LOXHD1: variants seen among roughly 807,000 people sequenced by gnomAD.
LOXHD1 encodes lipoxygenase homology PLAT domains 1.
LOXHD1 carries 205 observed loss-of-function variants against 248.2 expected under a neutral mutation model. The ratio of observed to expected loss-of-function variants is 0.83; its 90% CI spans 0.74 to 0.93. The LOEUF (loss-of-function observed/expected upper bound fraction) is 0.93, where lower values mean the gene tolerates loss of function less well. Ranked by LOEUF, LOXHD1 falls within the 40% of genes least tolerant of loss-of-function variation. The pLI is 0.00. For missense variants in LOXHD1, 2,930 were observed against 2,971.6 expected (o/e 0.99, Z 0.33); for synonymous variants, 1,113 against 1,162.8 (o/e 0.96, Z 0.87).
chr18:46,577,325 A>G (rs1487301755), intron 14 of LOXHD1, among the ~76,000 whole-genome samples: 1 of 152,224 alleles, frequency 6.6e-6, no homozygotes, highest in Non-Finnish European at 1.5e-5. Flanking sequence ...AGGTATGGTC[A>G]GAAAGTTATT....
intron 4 of LOXHD1, among the ~76,000 whole-genome samples, chr18:46,621,278 C>T (rs1042722178): frequency 6.6e-6 from 1 of 152,204 alleles, no homozygotes; most frequent in African/African-American, 2.4e-5. Context: ...AGATACACCT[C>T]ACGAAACCAT....
chr18:46,555,702 C>A (rs2037298766), intron 21 of LOXHD1, among the ~76,000 whole-genome samples: 1 of 152,158 alleles, frequency 6.6e-6, no homozygotes, highest in Non-Finnish European at 1.5e-5. Flanking sequence ...TACAAGGGGA[C>A]TTCTCTCCTT....
chr18:46,488,903 G>A, intron 38 of LOXHD1, 69 bp downstream of exon 38: 1 of 1,495,498 alleles, frequency 6.7e-7, no homozygotes, highest in Non-Finnish European at 9.0e-7. Flanking sequence ...CCCTCCAGCT[G>A]GAACGGTGTC....
Position 46,579,748 on chromosome 18 carries a change from A to G in LOXHD1, c.1691T>C (p.Leu564Pro). 1.9e-6 allele frequency: 3 copies of G among 1,551,834 alleles called. No homozygotes were observed. Among genetic ancestry groups the G allele is most frequent in the Non-Finnish European group, 2.6e-6 (3 of 1,147,002 alleles). Residue 564 changes from leucine to proline, a missense_variant, in exon 13 of 41, where the codon CTT becomes CCT. Coordinates refer to ENST00000642948, the MANE Select transcript of LOXHD1 (RefSeq NM_001384474.1). ...GTTGGCATCGGTCCCAGCACCTTCA[A>G]GTTCACCTGTGCACACAGTCACATG... Reference protein sequence around the residue: ...RYHVTVCTGELEGAGTDANVY... With the variant: ...RYHVTVCTGEPEGAGTDANVY...
chr18:46,477,916 C>T lies in LOXHD1; in HGVS notation c.6378G>A (p.Lys2126=), dbSNP rs876657498. Residue 2126 remains lysine, a synonymous_variant, in exon 41 of 41, where the codon AAG becomes AAA. Transcript: ENST00000642948. ...ATACCTTGAAGTACTTCCTCTTCCT[C>T]TTGAGGGGGATGAGGCAGTCACAGT... The part of the protein sequence containing the change: ...FFNCDCLIPL[K]RKRKYFKVFE... 5.2e-6 allele frequency: 8 copies of T among 1,550,790 alleles called. No individual in the cohort carries two copies.
chr18:46,596,044 G>C (rs563438805), intron 8 of LOXHD1, among the ~76,000 whole-genome samples: 1 of 152,040 alleles, frequency 6.6e-6, no homozygotes, highest in South Asian at 2.1e-4. Flanking sequence ...ACAAAATATA[G>C]TATTGTTACT....
rs2038457570 is a variant in LOXHD1 at position 46,608,559 on chromosome 18, CTGAGG to C, written c.759+2212_759+2216del. On this transcript the variant is annotated intron_variant, in intron 6 of 40. Transcript: ENST00000642948. ...GTACCTGTTCTGTGCCCTGCCCTGG[CTGAGG>C]TCATAAAATGCACAGGCCTCCTCTC... 2.0e-5 allele frequency among the ~76,000 whole-genome samples: 3 copies of C among 152,198 alleles called. No individual in the cohort carries two copies. In the South Asian group the frequency reaches 6.2e-4, roughly 32 times the overall value.
At chr18:46,601,545 G>T in intron 7 of LOXHD1, 78 bp from the exon 8 acceptor site, 3 of 1,542,378 alleles carry the variant, frequency 1.9e-6, no homozygotes, top group Non-Finnish European at 2.6e-6. Flanking sequence ...CCCCTTCCTG[G>T]TTACAACACC....
chr18:46,604,370 C>T, intron 6 of LOXHD1, 141 bp from the exon 7 acceptor site: 2 of 1,158,576 alleles, frequency 1.7e-6, no homozygotes, highest in Non-Finnish European at 1.2e-6. Flanking sequence ...AAGCTTATCA[C>T]AAGGACACAA....
At chr18:46,479,267 T>TGTGTGTGTGTG in intron 40 of LOXHD1, among the ~76,000 whole-genome samples, 1 of 148,848 alleles carries the variant, frequency 6.7e-6, no homozygotes, top group Non-Finnish European at 1.5e-5. Flanking sequence ...TGTGTGTGTG[T>TGTGTGTGTGTG]TCATGGACTG....
chr18:46,586,148 A>T lies in LOXHD1; in HGVS notation c.1654+5785T>A, dbSNP rs181344054. Among the ~76,000 whole-genome samples, 118 of 152,334 alleles carry T rather than the reference A, an allele frequency of 7.7e-4. 1 individual carries two copies. The highest frequency in any genetic ancestry group is 2.9e-3 in the Admixed American group (45 of 15,306). On this transcript the variant is annotated intron_variant, in intron 12 of 40. Coordinates refer to ENST00000642948, the MANE Select transcript of LOXHD1 (RefSeq NM_001384474.1). ...TGTTAATTGAAATAAACTAAATTTA[A>T]AAAGGTCACATATTGTATGACTCTA...
rs1309968209 is a variant in LOXHD1, at chr18:46,529,351, G to A, written c.4376-20C>T. 3 of 1,520,312 alleles carry A rather than the reference G, an allele frequency of 2.0e-6. No individual in the cohort carries two copies. The highest frequency in any genetic ancestry group is 4.1e-5 in the Admixed American group (2 of 49,110). 94.2% of individuals were successfully genotyped at this position (1,520,312 alleles called of 1,614,324 possible). ...GCACAACTGGGCAGGTGGTGGGACA[G>A]ACAGACAGACAAAGGGAAGAAAAGG... On this transcript the variant is annotated intron_variant, in intron 28 of 40. Coordinates refer to ENST00000642948, the MANE Select transcript of LOXHD1 (RefSeq NM_001384474.1).
intron 18 of LOXHD1, 21 bp from the exon 19 acceptor site, chr18:46,560,566 C>T (rs191161074): frequency 6.9e-5 from 104 of 1,507,468 alleles, no homozygotes; most frequent in Middle Eastern, 2.2e-4. Context: ...GGCAGGGCAG[C>T]GGCTGTCGTG....
At chr18:46,556,699 T>A (rs1473519009) in intron 21 of LOXHD1, 1 of 173,576 alleles carries the variant, frequency 5.8e-6, no homozygotes, top group Admixed American at 6.5e-5. Flanking sequence ...CCCTCGGATG[T>A]CACAGCCAGC....
intron 8 of LOXHD1, among the ~76,000 whole-genome samples, chr18:46,599,909 A>G (rs571354021): frequency 6.6e-6 from 1 of 152,344 alleles, no homozygotes. Flanking sequence ...AAATTCAGAC[A>G]ATATCAAGCA....
intron 2 of LOXHD1, among the ~76,000 whole-genome samples, chr18:46,645,360 A>G (rs867303555): frequency 1.2e-4 from 19 of 152,334 alleles, no homozygotes; most frequent in Middle Eastern, 3.4e-3. Context: ...GAACCCCCAC[A>G]CGGAGATCCT....
chr18:46,479,763 G>GAA (rs11366561), intron 40 of LOXHD1, among the ~76,000 whole-genome samples: 6,370 of 125,848 alleles, frequency 0.051, 214 homozygotes, highest in Non-Finnish European at 0.074. Context: ...ATTCTTAACA[G>GAA]AAAAAAAAAA....
At chr18:46,627,035 T>C (rs1222416804) in intron 4 of LOXHD1, among the ~76,000 whole-genome samples, 1 of 152,236 alleles carries the variant, frequency 6.6e-6, no homozygotes, top group African/African-American at 2.4e-5. Flanking sequence ...TATTCTTCTG[T>C]TGCTTATTTG....
At chr18:46,593,859 AG>A in intron 9 of LOXHD1, 99 bp from the exon 10 acceptor site, 3 of 1,298,152 alleles carry the variant, frequency 2.3e-6, no homozygotes, top group Non-Finnish European at 3.2e-6. Flanking sequence ...TCAGGACTGA[AG>A]GGCGGGGTAT....
Sources: gnomAD v4.1 joint callset for allele counts (sites outside exome capture counted in the v4.1 genomes callset) on GRCh38, gnomAD v4.1.1 for gene constraint, MANE v1.5 for transcripts, NCBI Gene and HGNC (gene_info 2026-07-23, HGNC 2026-07-21) for gene names.